Variants in GRM6 observed in about 807,000 individuals in gnomAD.
The protein encoded by GRM6 is metabotropic glutamate receptor 6.
Under a neutral mutation model 78.4 loss-of-function variants are expected in GRM6, and 73 were observed. The observed-to-expected ratio is 0.93, with a 90% CI of 0.77 to 1.13. The LOEUF is 1.13. GRM6 is among the 50% of genes most tolerant of loss of function. The pLI is 0.00. For missense variants in GRM6, 1,251 were observed against 1,256.4 expected (o/e 1.00, Z 0.07); for synonymous variants, 580 against 555.0 (o/e 1.05, Z -0.63).
intron 9 of GRM6, chr5:178,985,589 G>A (rs866970215): frequency 3.4e-5 from 12 of 349,176 alleles, no homozygotes; most frequent in Middle Eastern, 7.7e-4. Flanking sequence ...TGTAGTCCCA[G>A]CTACTCGGGA....
chr5:178,986,954 C>T lies in GRM6; in HGVS notation c.1384G>A (p.Glu462Lys), dbSNP rs777866804. The T allele has an allele frequency of 8.7e-6, 14 of 1,613,874 alleles. No homozygotes were observed. Among genetic ancestry groups the T allele is most frequent in the African/African-American group, 5.3e-5 (4 of 74,928 alleles). The change falls in exon 8 of 11, where the codon GAG becomes AAG. Residue 462 changes from glutamate to lysine, a missense_variant. Coordinates refer to ENST00000517717, the MANE Select transcript of GRM6 (RefSeq NM_000843.4). ...GSAGTPVMFN[E>K]NGDAPGRYDI... The stretch of plus-strand genomic sequence containing the variant: ...TACCGCCCGGGCGCATCTCCGTTCT[C>T]GTTGAACATCACAGGGGTTCCTGCG...
Position 178,991,302 on chromosome 5 carries a change from G to GT in GRM6, c.857+121_857+122insA. On this transcript the variant is annotated intron_variant, in intron 4 of 10. Transcript: ENST00000517717. This position sits in a 1 kb window ranked among gnomAD's most constrained non-coding sequence, Gnocchi z 5.0. ...ACTCAGAGGCAGCAGCAGGGAAGGT[G>GT]GGGGGTGCGGGGAGCAGGGGAAAGG... The GT allele has an allele frequency of 1.1e-6, 1 of 891,366 alleles. No individual in the cohort carries two copies. Among genetic ancestry groups the GT allele is most frequent in the Non-Finnish European group, 1.7e-6 (1 of 578,930 alleles). The allele number at this position is 891,366 out of a possible 1,614,324, so 55.2% of individuals were successfully genotyped here. A position where few individuals can be genotyped will look rare whatever the true frequency, so the allele number is the denominator to read the frequency against.
chr5:178,990,544 G>A (rs756196631), intron 5 of GRM6, 48 bp downstream of exon 5: 7 of 1,463,028 alleles, frequency 4.8e-6, no homozygotes, highest in Admixed American at 3.3e-5. Flanking sequence ...CCAAGAGGGG[G>A]TGCTGGGGAG....
chr5:178,991,783 C>T lies in GRM6; in HGVS notation c.721+84G>A, dbSNP rs758386995. ...CCTCGGCCCAGCATGGACCTGGGCC[C>T]CCCATCTTTCTGCTTCTGCCCCAAC... On this transcript the variant is annotated intron_variant, in intron 3 of 10. Coordinates refer to ENST00000517717, the MANE Select transcript of GRM6 (RefSeq NM_000843.4). This position sits in a 1 kb window ranked among gnomAD's most constrained non-coding sequence, Gnocchi z 5.0. 24 of 1,262,736 alleles carry T rather than the reference C, an allele frequency of 1.9e-5. No individual in the cohort carries two copies. In the South Asian group the frequency reaches 2.7e-4, roughly 14 times the overall value. 78.2% of individuals were successfully genotyped at this position (1,262,736 alleles called of 1,614,324 possible). A position where few individuals can be genotyped will look rare whatever the true frequency, so the allele number is the denominator to read the frequency against.
chr5:178,982,692 T>TAAAA (rs11335877), intron 10 of GRM6: 40 of 432,624 alleles, frequency 9.2e-5, no homozygotes, highest in East Asian at 2.7e-4. Flanking sequence ...ATGAAAATGA[T>TAAAA]AAAAAAAAAA....
Position 178,986,279 on chromosome 5 carries a change from G to A in GRM6, c.1975C>T (p.Leu659=), listed in dbSNP as rs766643962. The A allele has an allele frequency of 6.2e-7, 1 of 1,614,130 alleles. No individual in the cohort carries two copies. The highest frequency in any genetic ancestry group is 1.1e-5 in the South Asian group (1 of 91,084). ...GCAGAGTAGCTGAGGGTCGTGCCCA[G>A]GCCCAGGAAGAGCCTGCGGGCGGCA... ...VCAARRLFLG[L]GTTLSYSALL... The change falls in exon 9 of 11, where the codon CTG becomes TTG. Residue 659 remains leucine (L), a synonymous_variant. Transcript: ENST00000517717.
At chr5:178,993,114 G>A (rs1021675363) in intron 2 of GRM6, among the ~76,000 whole-genome samples, 1 of 152,198 alleles carries the variant, frequency 6.6e-6, no homozygotes, top group African/African-American at 2.4e-5. Flanking sequence ...GGAAATGAAT[G>A]TAGTTCTTTT....
chr5:178,983,161 C>A lies in GRM6; in HGVS notation c.2185G>T (p.Glu729Ter). ...TGCTCGGGGTCCACCGTCCGCTGTT[C>A]CTCATAGTCAATCACGCTGTGTGGG... ...RPPHSVIDYEEQRTVDPEQAR... is the reference protein window; with the variant it reads ...RPPHSVIDYE Residue 729 changes from glutamate to a stop codon, truncating the protein, a stop_gained, in exon 10 of 11, where the codon GAA becomes TAA. Transcript: ENST00000517717. LOFTEE classifies it high-confidence loss of function. The A allele has an allele frequency of 1.9e-6, 3 of 1,613,940 alleles. No homozygotes were observed. Among genetic ancestry groups the A allele is most frequent in the Non-Finnish European group, 2.5e-6 (3 of 1,180,028 alleles).
chr5:178,983,857 C>T (rs142518912), intron 9 of GRM6, among the ~76,000 whole-genome samples: 6 of 152,294 alleles, frequency 3.9e-5, no homozygotes, highest in African/African-American at 1.4e-4. Context: ...TGCATAAAGG[C>T]GGGACCCTGG....
chr5:178,985,278 A>G (rs1476375998), intron 9 of GRM6: 2 of 456,598 alleles, frequency 4.4e-6, no homozygotes, highest in Non-Finnish European at 8.8e-6. Flanking sequence ...GTTGTACAGA[A>G]AGATCTCTGG....
Position 178,986,137 on chromosome 5 carries a change from G to A in GRM6, c.2117C>T (p.Ser706Phe). The A allele has an allele frequency of 6.2e-7, 1 of 1,613,492 alleles. No individual in the cohort carries two copies. Among genetic ancestry groups the A allele is most frequent in the Non-Finnish European group, 8.5e-7 (1 of 1,179,690 alleles). The change falls in exon 9 of 11, where the codon TCC becomes TTC. Residue 706 changes from serine to phenylalanine, a missense_variant. Coordinates refer to ENST00000517717, the MANE Select transcript of GRM6 (RefSeq NM_000843.4). The part of the protein sequence containing the change: ...SQLVITFSLT[S>F]LQVVGMIAWL... ...GGGAGCCTACGGACCCACCTGCAGG[G>A]AGGTGAGGCTGAAGGTGATGACCAG...
rs988177158 is a variant in GRM6, at chr5:178,991,811, A to G, written c.721+56T>C. 14 of 1,450,642 alleles carry G rather than the reference A, an allele frequency of 9.7e-6. No homozygotes were observed. The highest frequency in any genetic ancestry group is 1.4e-5 in the African/African-American group (1 of 71,100). The allele number at this position is 1,450,642 out of a possible 1,614,324, so 89.9% of individuals were successfully genotyped here. On this transcript the variant is annotated intron_variant, in intron 3 of 10. Transcript: ENST00000517717. This position sits in a 1 kb window ranked among gnomAD's most constrained non-coding sequence, Gnocchi z 5.0. ...CATCTTTCTGCTTCTGCCCCAACTGAGGGCCCCGGGCCCACACTATGTAGA... is the reference window on the plus strand; with the variant it reads ...CATCTTTCTGCTTCTGCCCCAACTGGGGGCCCCGGGCCCACACTATGTAGA...
In GRM6 at chr5:178,989,309, G is replaced by T. The variant is rs941477002; in HGVS notation, c.1109C>A (p.Thr370Asn). Residue 370 changes from threonine to asparagine, a missense_variant, in exon 6 of 11, where the codon ACC becomes AAC. Transcript: ENST00000517717. Reference sequence around the variant, plus strand: ...ATCGTCTGACTGGGTACCTGAGCTGGTCAGTTTGCAGTTAAAATTCTCTTC... The same window carrying T: ...ATCGTCTGACTGGGTACCTGAGCTGTTCAGTTTGCAGTTAAAATTCTCTTC... Reference protein sequence around the residue: ...FWEENFNCKLTSSGTQSDDST... With the variant: ...FWEENFNCKLNSSGTQSDDST... The T allele has an allele frequency of 6.2e-6, 10 of 1,613,120 alleles. No individual in the cohort carries two copies. Among genetic ancestry groups the T allele is most frequent in the Non-Finnish European group, 7.6e-6 (9 of 1,179,838 alleles).
At chr5:178,982,697 A>AAAAAAAG (rs199996611) in intron 10 of GRM6, 3 of 366,690 alleles carry the variant, frequency 8.2e-6, no homozygotes, top group Middle Eastern at 7.3e-4. Flanking sequence ...AATGATAAAA[A>AAAAAAAG]AAAAAAAGAA....
intron 4 of GRM6, among the ~76,000 whole-genome samples, chr5:178,990,974 G>A (rs974773512): frequency 6.6e-6 from 1 of 152,144 alleles, no homozygotes; most frequent in Non-Finnish European, 1.5e-5. Context: ...AGGGGGTTCA[G>A]AGGGACTCCT....
intron 5 of GRM6, 139 bp from the exon 6 acceptor site, chr5:178,989,544 G>C: frequency 9.2e-7 from 1 of 1,083,926 alleles, no homozygotes; most frequent in African/African-American, 1.5e-5. Context: ...GGCATGGCCA[G>C]GTGAGCTAGG....
Position 178,981,549 on chromosome 5 carries a change from C to G in GRM6, c.*108G>C. 1 of 858,914 alleles carries G rather than the reference C, an allele frequency of 1.2e-6. No homozygotes were observed. Among genetic ancestry groups the G allele is most frequent in the Non-Finnish European group, 1.9e-6 (1 of 535,700 alleles). 53.2% of individuals were successfully genotyped at this position (858,914 alleles called of 1,614,324 possible). A position where few individuals can be genotyped will look rare whatever the true frequency, so the allele number is the denominator to read the frequency against. ...CGACGCGGAGCATGGTCTTGGCAAA[C>G]TCCCTGCCACTGACTGTTCACCGTG... is the stretch of plus-strand genomic sequence containing the variant. On this transcript the variant is annotated 3_prime_UTR_variant, in exon 11 of 11. Coordinates refer to ENST00000517717, the MANE Select transcript of GRM6 (RefSeq NM_000843.4). The surrounding 1 kb of genome is among the most constrained non-coding windows in gnomAD (Gnocchi z 5.1).
rs1760330078 is a variant in GRM6 at position 178,978,494 on chromosome 5, A to G, written c.*3163T>C. 6.6e-6 allele frequency: 1 copy of G among 152,258 alleles called. No individual in the cohort carries two copies. The highest frequency in any genetic ancestry group is 1.5e-5 in the Non-Finnish European group (1 of 68,046). 9.4% of individuals were successfully genotyped at this position (152,258 alleles called of 1,614,324 possible). On this transcript the variant is annotated 3_prime_UTR_variant, in exon 11 of 11. Coordinates refer to ENST00000517717, the MANE Select transcript of GRM6 (RefSeq NM_000843.4). ...ATAAATGTGTCAGAAGATTCACACA[A>G]GTGAGACAGCCTAAGAAAATGGTTA...
At chr5:178,985,352 C>T (rs1481416711) in intron 9 of GRM6, 10 of 429,510 alleles carry the variant, frequency 2.3e-5, no homozygotes, top group African/African-American at 1.6e-4. Flanking sequence ...GAGATGGCGG[C>T]CCTAACTGAG....
Sources: gnomAD v4.1 joint callset for allele counts (sites outside exome capture counted in the v4.1 genomes callset) on GRCh38, gnomAD v4.1.1 for gene constraint, Gnocchi (gnomAD v3.1) non-coding constraint, MANE v1.5 for transcripts, NCBI Gene and HGNC (gene_info 2026-07-23, HGNC 2026-07-21) for gene names.